The following COL4A4 variants were observed in gnomAD, a reference collection of about 807,000 sequenced individuals.
The protein encoded by COL4A4 is collagen type IV alpha 4 chain.
A neutral mutation model predicts 192.9 loss-of-function variants in COL4A4; 105 were observed. That is an observed-to-expected ratio of 0.54 (90% confidence interval 0.46 to 0.64). COL4A4 has a LOEUF of 0.64. COL4A4 is among the 30% of genes least tolerant of loss of function. The probability of loss-of-function intolerance (pLI) is 0.00; values close to 1 mark genes in which losing one functional copy is unlikely to be tolerated. For missense variants in COL4A4, 1,967 were observed against 2,169.3 expected (o/e 0.91, Z 1.85); for synonymous variants, 762 against 769.9 (o/e 0.99, Z 0.17).
At chr2:227,127,081 C>G (rs940896580) in intron 4 of COL4A4, among the ~76,000 whole-genome samples, 1 of 152,184 alleles carries the variant, frequency 6.6e-6, no homozygotes, top group Non-Finnish European at 1.5e-5. Context: ...CAATAACCTG[C>G]TATAAAACAA....
At chr2:227,149,597 C>T (rs1330327216) in intron 1 of COL4A4, among the ~76,000 whole-genome samples, 1 of 152,046 alleles carries the variant, frequency 6.6e-6, no homozygotes, top group East Asian at 1.9e-4. Flanking sequence ...AAGGAAAACG[C>T]AAATTTTTTG....
chr2:226,972,758 G>A, the COL4A4 span, among the ~76,000 whole-genome samples: 2 of 152,070 alleles, frequency 1.3e-5, no homozygotes, highest in South Asian at 4.1e-4. Context: ...GCTCACACTC[G>A]GCCAAGCTCT....
intron 40 of COL4A4, 71 bp downstream of exon 40, chr2:227,031,874 C>T (rs540667603): frequency 5.5e-4 from 616 of 1,127,220 alleles, no homozygotes; most frequent in Non-Finnish European, 6.8e-4. Flanking sequence ...CTCTCTGGTC[C>T]CACATTCCTC....
intron 44 of COL4A4, among the ~76,000 whole-genome samples, chr2:227,013,889 A>C (rs978038081): frequency 6.6e-6 from 1 of 151,990 alleles, no homozygotes; most frequent in Non-Finnish European, 1.5e-5. Flanking sequence ...CTGAGGGACC[A>C]GCCTTGCCTG....
At chr2:227,162,401 AAAATT>A in intron 1 of COL4A4, among the ~76,000 whole-genome samples, 1 of 152,322 alleles carries the variant, frequency 6.6e-6, no homozygotes, top group Non-Finnish European at 1.5e-5. Flanking sequence ...TGTACTTTTT[AAAATT>A]AAATACTGTC....
At chr2:227,101,356 T>TAA in intron 17 of COL4A4, 148 bp downstream of exon 17, 1 of 691,976 alleles carries the variant, frequency 1.4e-6, no homozygotes, top group East Asian at 2.8e-5. Flanking sequence ...AAAAACAGAC[T>TAA]AATGTAACAA....
chr2:227,057,216 C>A (rs1975613605), intron 29 of COL4A4, among the ~76,000 whole-genome samples: 1 of 152,196 alleles, frequency 6.6e-6, no homozygotes, highest in Admixed American at 6.5e-5. Context: ...TCATGTAATG[C>A]AACCCACTGT....
At chr2:226,999,273 TATC>T (rs1177378302), downstream of COL4A4, 2 of 152,170 alleles carry the variant, frequency 1.3e-5, no homozygotes, top group African/African-American at 4.8e-5. Context: ...TGCTTATTGA[TATC>T]ATTGTAGGTC....
Position 227,103,198 on chromosome 2 carries a change from C to G in COL4A4, c.817-1G>C, listed in dbSNP as rs2150794687. On this transcript the variant is annotated splice_acceptor_variant, in intron 13 of 47. Transcript: ENST00000396625. LOFTEE classifies it high-confidence loss of function. Reference sequence around the variant, plus strand: ...CCATTCCAGGAATTCCTTTTATACCCTAAAAATTACAATGAATATAATTTG... The same window carrying G: ...CCATTCCAGGAATTCCTTTTATACCGTAAAAATTACAATGAATATAATTTG... The G allele has an allele frequency of 6.2e-7, 1 of 1,609,844 alleles. No homozygotes were observed. The highest frequency in any genetic ancestry group is 8.5e-7 in the Non-Finnish European group (1 of 1,176,924).
chr2:227,030,820 A>G (rs1377356679), intron 40 of COL4A4, among the ~76,000 whole-genome samples: 1 of 152,228 alleles, frequency 6.6e-6, no homozygotes, highest in African/African-American at 2.4e-5. Flanking sequence ...GTTAGACAAA[A>G]TGAACCCAAG....
intron 4 of COL4A4, among the ~76,000 whole-genome samples, chr2:227,128,771 C>T (rs2062238987): frequency 6.6e-6 from 1 of 152,156 alleles, no homozygotes; most frequent in African/African-American, 2.4e-5. Context: ...CCACAAGCAC[C>T]AATCTCTCGC....
intron 12 of COL4A4, among the ~76,000 whole-genome samples, chr2:227,107,281 T>C (rs570077900): frequency 6.6e-6 from 1 of 152,324 alleles, no homozygotes; most frequent in African/African-American, 2.4e-5. Flanking sequence ...GGGATGCTAC[T>C]GACATCTAGT....
At chr2:227,014,891 G>GTTTTTT in intron 44 of COL4A4, among the ~76,000 whole-genome samples, 1 of 139,316 alleles carries the variant, frequency 7.2e-6, no homozygotes, top group Admixed American at 7.0e-5. Context: ...ACCATGCCTG[G>GTTTTTT]CTTTTTTTTT....
At chr2:226,981,829 G>A in the COL4A4 span, among the ~76,000 whole-genome samples, 1 of 152,142 alleles carries the variant, frequency 6.6e-6, no homozygotes, top group African/African-American at 2.4e-5. Context: ...TCAGCTCTGG[G>A]GTGCAGAGAG....
At chr2:227,002,217 T>C (rs1396265673), downstream of COL4A4, among the ~76,000 whole-genome samples, 1 of 150,530 alleles carries the variant, frequency 6.6e-6, no homozygotes, top group Non-Finnish European at 1.5e-5. Context: ...ATTGAATATC[T>C]GCACTCCACC....
chr2:226,978,183 A>C, the COL4A4 span, among the ~76,000 whole-genome samples: 1 of 152,234 alleles, frequency 6.6e-6, no homozygotes, highest in Non-Finnish European at 1.5e-5. Context: ...GAACGCTGTT[A>C]CACTTGGACT....
chr2:227,002,268 T>TA (rs1307471753), downstream of COL4A4, among the ~76,000 whole-genome samples: 1 of 150,456 alleles, frequency 6.6e-6, no homozygotes, highest in Non-Finnish European at 1.5e-5. Flanking sequence ...ATGTAATCAA[T>TA]ACCTAACTAA....
chr2:227,051,205 A>G (rs1199119597), intron 32 of COL4A4, 47 bp from the exon 33 acceptor site: 1 of 1,599,220 alleles, frequency 6.3e-7, no homozygotes. Context: ...ATTTTGAGCT[A>G]GGTAATAGTT....
intron 40 of COL4A4, 67 bp downstream of exon 40, chr2:227,031,878 A>G: frequency 8.5e-7 from 1 of 1,171,106 alleles, no homozygotes; most frequent in East Asian, 2.4e-5. Flanking sequence ...CTGGTCCCAC[A>G]TTCCTCCAGA....
Sources: allele counts gnomAD v4.1 joint callset (sites outside exome capture counted in the v4.1 genomes callset), GRCh38; gene constraint gnomAD v4.1.1; transcripts MANE v1.5; gene names NCBI Gene and HGNC (gene_info 2026-07-23, HGNC 2026-07-21).